The following PLCE1 variants were observed in gnomAD, a reference collection of about 807,000 sequenced individuals.
PLCE1 encodes 1-phosphatidylinositol 4,5-bisphosphate phosphodiesterase epsilon-1.
In PLCE1, 119 loss-of-function variants were observed where a neutral mutation model predicts 242.8. That is an observed-to-expected ratio of 0.49 (90% CI 0.42 to 0.57). PLCE1 has a LOEUF of 0.57. Among genes scored for constraint, PLCE1 ranks in the 20% least tolerant of loss-of-function variants. PLCE1 has a pLI of 0.00. For missense variants in PLCE1, 2,441 were observed against 2,788.8 expected, an observed-to-expected ratio of 0.88 and a Z score of 2.81; for synonymous variants, 945 against 1,017.4, an observed-to-expected ratio of 0.93 and a Z score of 1.35.
chr10:94,015,031 C>T (rs2061252414), intron 1 of PLCE1, among the ~76,000 whole-genome samples: 1 of 152,240 alleles, frequency 6.6e-6, no homozygotes, highest in African/African-American at 2.4e-5. Context: ...ATCTTCACTT[C>T]ACCTGTGGTT....
intron 23 of PLCE1, among the ~76,000 whole-genome samples, chr10:94,297,891 GA>G (rs11346540): frequency 0.021 from 3,148 of 152,232 alleles, 30 homozygotes; most frequent in South Asian, 0.04. Flanking sequence ...AACAATGCTG[GA>G]GTGAATATCC....
At chr10:94,120,519 T>C (rs1396825310) in intron 2 of PLCE1, among the ~76,000 whole-genome samples, 4 of 152,204 alleles carry the variant, frequency 2.6e-5, no homozygotes, top group African/African-American at 7.2e-5. Flanking sequence ...AGCTCCTCTC[T>C]GGTGGTCATT....
chr10:94,132,182 T>C lies in PLCE1; in HGVS notation c.1215T>C (p.Asn405=). 6.2e-7 allele frequency: 1 copy of C among 1,613,572 alleles called. No homozygotes were observed. The highest frequency in any genetic ancestry group is 1.1e-5 in the South Asian group (1 of 91,062). ...CTTTGTGCTATTCACAGATCTACAA[T>C]GCAGTGAGAAGAGAAGAAACAGAAA... ...LSEAQWYPIY[N]AVRREETENT... is the part of the protein sequence containing the mutation. The change falls in exon 3 of 33, where the codon AAT becomes AAC. Residue 405 remains asparagine (N), a synonymous_variant. Transcript: ENST00000371380.
At chr10:94,174,913 A>G (rs989643145) in intron 4 of PLCE1, among the ~76,000 whole-genome samples, 1 of 152,204 alleles carries the variant, frequency 6.6e-6, no homozygotes, top group Admixed American at 6.5e-5. Context: ...GTATGATTGT[A>G]TCAATGTTAA....
At chr10:94,100,534 A>G (rs569457770) in intron 2 of PLCE1, 1 of 152,254 alleles carries the variant, frequency 6.6e-6, no homozygotes, top group African/African-American at 2.4e-5. Flanking sequence ...TTTCTTGAAA[A>G]ATTTAGAGGA....
intron 19 of PLCE1, among the ~76,000 whole-genome samples, chr10:94,277,566 C>T (rs1205322111): frequency 4.6e-5 from 7 of 152,152 alleles, no homozygotes; most frequent in African/African-American, 1.7e-4. Context: ...GTCCTTCTCC[C>T]ATACAGTTCT....
chr10:94,142,038 G>A (rs2046988881), intron 3 of PLCE1, among the ~76,000 whole-genome samples: 1 of 152,190 alleles, frequency 6.6e-6, no homozygotes, highest in Admixed American at 6.5e-5. Flanking sequence ...AGACTCTGCA[G>A]AAGTGGTTAC....
At chr10:94,269,460 T>G (rs994432698) in intron 17 of PLCE1, among the ~76,000 whole-genome samples, 2 of 152,068 alleles carry the variant, frequency 1.3e-5, no homozygotes, top group Non-Finnish European at 2.9e-5. Flanking sequence ...TCAAGGGTCT[T>G]TATGCTGGGT....
chr10:94,227,418 A>G lies in PLCE1; in HGVS notation c.1922A>G (p.Tyr641Cys). 1.2e-6 allele frequency: 2 copies of G among 1,614,030 alleles called. No individual in the cohort carries two copies. The highest frequency in any genetic ancestry group is 1.7e-6 in the Non-Finnish European group (2 of 1,179,926). ...AAATGCTGCTGGAACATGGGCAACT[A>G]CAACGCTGTCATGGAGTTCTTGGCT... ...VAKCCWNMGN[Y>C]NAVMEFLAGL... is the part of the protein sequence containing the mutation. Residue 641 changes from tyrosine (Y) to cysteine (C), a missense_variant, in exon 5 of 33, where the codon TAC becomes TGC. This residue lies in a region of PLCE1 where 733 missense variants were observed against 754.2 expected (regional missense o/e 0.97). Coordinates refer to ENST00000371380, the MANE Select transcript of PLCE1 (RefSeq NM_016341.4).
intron 2 of PLCE1, among the ~76,000 whole-genome samples, chr10:94,062,191 G>A (rs959814563): frequency 6.6e-6 from 1 of 152,188 alleles, no homozygotes; most frequent in Non-Finnish European, 1.5e-5. Flanking sequence ...TTGAATTTGT[G>A]TCCTAGCTCT....
At position 94,298,511 on chromosome 10, in the gene PLCE1, G is replaced by T; in HGVS notation, c.5300G>T (p.Arg1767Leu). Residue 1767 changes from arginine (R) to leucine (L), a missense_variant, in exon 24 of 33, where the codon CGT becomes CTT. Transcript: ENST00000371380. The surrounding 1 kb of genome is among the most constrained non-coding windows in gnomAD (Gnocchi z 5.2). ...TCGCTGAATGAAAATGCCGCCAAAC[G>T]TCTGTGTCGCAGGTATTCTCAGAAA... ...ISSLNENAAK[R>L]LCRRYSQKLT... 1 of 1,613,914 alleles carries T rather than the reference G, an allele frequency of 6.2e-7. No homozygotes were observed. The highest frequency in any genetic ancestry group is 1.6e-4 in the Middle Eastern group (1 of 6,062).
At chr10:94,303,999 C>A (rs969212105) in intron 24 of PLCE1, among the ~76,000 whole-genome samples, 1 of 151,928 alleles carries the variant, frequency 6.6e-6, no homozygotes, top group Non-Finnish European at 1.5e-5. Context: ...TGAATCTAGG[C>A]TCCCAGGGGA....
chr10:94,324,657 G>A, intron 31 of PLCE1, 90 bp downstream of exon 31: 4 of 1,171,764 alleles, frequency 3.4e-6, no homozygotes, highest in Non-Finnish European at 5.1e-6. Flanking sequence ...TGAAATTTAG[G>A]AGAAAGTTCC....
At chr10:94,264,643 T>C (rs942508279) in intron 14 of PLCE1, among the ~76,000 whole-genome samples, 1 of 145,360 alleles carries the variant, frequency 6.9e-6, no homozygotes, top group Non-Finnish European at 1.5e-5. Flanking sequence ...TGCCTCAGCC[T>C]CCCAAGTAGC....
chr10:94,267,017 C>T (rs1014421948), intron 16 of PLCE1, among the ~76,000 whole-genome samples: 1 of 152,156 alleles, frequency 6.6e-6, no homozygotes, highest in Non-Finnish European at 1.5e-5. Context: ...AGGTAATGTA[C>T]TACTCCTCTA....
At chr10:94,013,399 C>A (rs1391470617) in intron 1 of PLCE1, among the ~76,000 whole-genome samples, 1 of 152,196 alleles carries the variant, frequency 6.6e-6, no homozygotes, top group African/African-American at 2.4e-5. Flanking sequence ...CCCTCCCTGC[C>A]AAGCACAATA....
intron 22 of PLCE1, among the ~76,000 whole-genome samples, chr10:94,289,843 C>G (rs982153432): frequency 1.3e-5 from 2 of 152,112 alleles, no homozygotes; most frequent in Admixed American, 1.3e-4. Context: ...AAACACTGTA[C>G]ACTAAGGCTA....
At chr10:94,066,647 G>T (rs762026761) in intron 2 of PLCE1, among the ~76,000 whole-genome samples, 1 of 152,124 alleles carries the variant, frequency 6.6e-6, no homozygotes, top group East Asian at 1.9e-4. Flanking sequence ...CCATGCTTGC[G>T]TGTGATTTCA....
chr10:94,145,823 T>C (rs1160803746), intron 3 of PLCE1, among the ~76,000 whole-genome samples: 1 of 152,040 alleles, frequency 6.6e-6, no homozygotes, highest in Non-Finnish European at 1.5e-5. Context: ...GAGGCTGAAC[T>C]GGGAGTTGGG....
Sources: gnomAD v4.1 joint callset for allele counts (sites outside exome capture counted in the v4.1 genomes callset) on GRCh38, gnomAD v4.1.1 for gene constraint, gnomAD v4.1.1 regional missense constraint, Gnocchi (gnomAD v3.1) non-coding constraint, MANE v1.5 for transcripts, NCBI Gene and HGNC (gene_info 2026-07-23, HGNC 2026-07-21) for gene names.